The following TTC28 variants were observed in gnomAD, a reference collection of about 807,000 sequenced individuals.
TTC28 encodes the protein tetratricopeptide repeat domain 28.
A neutral mutation model predicts 198.0 loss-of-function variants in TTC28; 61 were observed. The observed-to-expected ratio is 0.31, with a 90% CI of 0.25 to 0.38. The LOEUF (loss-of-function observed/expected upper bound fraction) is 0.38, where lower values mean the gene tolerates loss of function less well. Ranked by LOEUF, TTC28 falls within the 10% of genes least tolerant of loss-of-function variation. The pLI is 1.00. For missense variants in TTC28, 2,678 were observed against 3,164.0 expected (o/e 0.85, Z 3.69); for synonymous variants, 1,171 against 1,297.8 (o/e 0.90, Z 2.10).
In TTC28 at chr22:28,099,047, G is replaced by T; in HGVS notation, c.3418-3C>A. 6.4e-7 allele frequency: 1 copy of T among 1,551,954 alleles called. No homozygotes were observed. Among genetic ancestry groups the T allele is most frequent in the Non-Finnish European group, 8.7e-7 (1 of 1,147,048 alleles). On this transcript the variant is annotated splice_polypyrimidine_tract_variant and splice_region_variant and intron_variant, in intron 9 of 22. Coordinates refer to ENST00000397906, the MANE Select transcript of TTC28 (RefSeq NM_001145418.2). Reference sequence around the variant, plus strand: ...AACAAGGCTGATGCCCTATAAAGCTGCAAGGAGGGAGGAAGAACATCATCC... The same window carrying T: ...AACAAGGCTGATGCCCTATAAAGCTTCAAGGAGGGAGGAAGAACATCATCC...
intron 5 of TTC28, among the ~76,000 whole-genome samples, chr22:28,202,680 G>A (rs1926076123): frequency 6.6e-6 from 1 of 152,136 alleles, no homozygotes; most frequent in South Asian, 2.1e-4. Flanking sequence ...AGCTGGCCTA[G>A]AGAGACCTTA....
rs372302865 is a variant in TTC28 at position 28,073,522 on chromosome 22, A to G, written c.3932+20558T>C. 3.9e-4 allele frequency among the ~76,000 whole-genome samples: 59 copies of G among 152,306 alleles called. No homozygotes were observed. In the East Asian group the frequency reaches 0.011, roughly 27 times the overall value. On this transcript the variant is annotated intron_variant, in intron 12 of 22. Transcript: ENST00000397906. The stretch of plus-strand genomic sequence containing the variant: ...TAAGGGAAGAAAGATATAAGCAAAA[A>G]AATGGTCAGCCATCAGATGCTGAAG...
At chr22:28,419,232 T>C (rs1350202492) in intron 2 of TTC28, among the ~76,000 whole-genome samples, 1 of 152,172 alleles carries the variant, frequency 6.6e-6, no homozygotes, top group Admixed American at 6.5e-5. Flanking sequence ...CTTGTTAAAA[T>C]TCTATCCATT....
intron 5 of TTC28, among the ~76,000 whole-genome samples, chr22:28,241,596 T>C (rs886465946): frequency 5.9e-5 from 9 of 152,090 alleles, no homozygotes; most frequent in Non-Finnish European, 5.9e-5. Context: ...CCTCAAATGG[T>C]TCGAGATTAA....
intron 2 of TTC28, among the ~76,000 whole-genome samples, chr22:28,413,742 T>C (rs576881491): frequency 1.1e-3 from 117 of 105,914 alleles, no homozygotes; most frequent in Middle Eastern, 6.5e-3. Context: ...CAATTAAGGC[T>C]AAAAGTTAAA....
chr22:28,072,893 C>T (rs1941046003), intron 12 of TTC28, among the ~76,000 whole-genome samples: 1 of 152,210 alleles, frequency 6.6e-6, no homozygotes, highest in African/African-American at 2.4e-5. Context: ...CACTGTCCTT[C>T]TCTGGGGCTG....
chr22:28,464,550 T>G (rs2146285822), intron 2 of TTC28, among the ~76,000 whole-genome samples: 1 of 152,344 alleles, frequency 6.6e-6, no homozygotes, highest in Non-Finnish European at 1.5e-5. Flanking sequence ...AGGTTTTTTC[T>G]ATCTATGAAA....
At position 28,010,662 on chromosome 22, in the gene TTC28, C is replaced by A. The variant is rs545932542; in HGVS notation, c.4218+3586G>T. Among the ~76,000 whole-genome samples, 13 of 152,270 alleles carry A rather than the reference C, an allele frequency of 8.5e-5. 1 individual carries two copies. The highest frequency in any genetic ancestry group is 3.1e-4 in the African/African-American group (13 of 41,560). ...CTGCAGGCATGTCGACTGGAGCATG[C>A]CCCCACCCTGAAATCACTGTGCTGG... On this transcript the variant is annotated intron_variant, in intron 14 of 22. Transcript: ENST00000397906.
chr22:28,042,027 G>A (rs1939658263), intron 12 of TTC28, among the ~76,000 whole-genome samples: 1 of 152,144 alleles, frequency 6.6e-6, no homozygotes, highest in Non-Finnish European at 1.5e-5. Flanking sequence ...AAACCACAAT[G>A]AGATACCATC....
chr22:28,553,672 C>G (rs1302515542), intron 2 of TTC28, among the ~76,000 whole-genome samples: 1 of 151,724 alleles, frequency 6.6e-6, no homozygotes, highest in Non-Finnish European at 1.5e-5. Context: ...AGCCCCCGCG[C>G]CAGGCCAGCC....
intron 17 of TTC28, among the ~76,000 whole-genome samples, chr22:27,993,824 C>T (rs568796907): frequency 7.2e-5 from 11 of 152,306 alleles, no homozygotes; most frequent in Non-Finnish European, 1.6e-4. Context: ...TGTCTGAACA[C>T]ACAGGTCAGG....
At chr22:28,458,123 G>T (rs942603451) in intron 2 of TTC28, among the ~76,000 whole-genome samples, 6 of 151,886 alleles carry the variant, frequency 4.0e-5, no homozygotes, top group African/African-American at 1.5e-4. Flanking sequence ...GATTTACTAG[G>T]TATAAAATAT....
chr22:28,414,023 CAT>C (rs1366733907), intron 2 of TTC28, among the ~76,000 whole-genome samples: 3 of 152,228 alleles, frequency 2.0e-5, no homozygotes, highest in Non-Finnish European at 4.4e-5. Context: ...AACCTAGACA[CAT>C]GTCAAAGCTT....
intron 5 of TTC28, among the ~76,000 whole-genome samples, chr22:28,281,761 C>T (rs543874030): frequency 2.7e-3 from 415 of 152,228 alleles, no homozygotes; most frequent in Non-Finnish European, 4.0e-3. Flanking sequence ...ACTCAAACAC[C>T]GAACTGTTTC....
At chr22:28,378,522 A>T (rs1163799532) in intron 2 of TTC28, among the ~76,000 whole-genome samples, 3 of 151,844 alleles carry the variant, frequency 2.0e-5, no homozygotes. Flanking sequence ...GCATGGTGGC[A>T]TGAACCTCCC....
At chr22:28,469,075 G>A (rs2048065645) in intron 2 of TTC28, among the ~76,000 whole-genome samples, 1 of 152,152 alleles carries the variant, frequency 6.6e-6, no homozygotes, top group South Asian at 2.1e-4. Context: ...CAACGACTGT[G>A]AAGTCTGAGG....
At chr22:28,356,984 TATA>T (rs373387352) in intron 2 of TTC28, among the ~76,000 whole-genome samples, 1 of 152,038 alleles carries the variant, frequency 6.6e-6, no homozygotes, top group African/African-American at 2.4e-5. Flanking sequence ...GGCCATGCTA[TATA>T]ATAATAATAA....
intron 2 of TTC28, among the ~76,000 whole-genome samples, chr22:28,316,028 C>G (rs2045346071): frequency 6.6e-6 from 1 of 152,164 alleles, no homozygotes; most frequent in Non-Finnish European, 1.5e-5. Context: ...GCACAAAGTT[C>G]TGGTAGTTCC....
intron 13 of TTC28, among the ~76,000 whole-genome samples, chr22:28,016,851 G>A (rs981902515): frequency 7.9e-5 from 12 of 152,250 alleles, no homozygotes; most frequent in African/African-American, 2.6e-4. Context: ...CCAAACACCC[G>A]GCCCATCTGA....
Sources: allele counts gnomAD v4.1 joint callset (sites outside exome capture counted in the v4.1 genomes callset), GRCh38; gene constraint gnomAD v4.1.1; transcripts MANE v1.5; gene names NCBI Gene and HGNC (gene_info 2026-07-23, HGNC 2026-07-21).